MAP3K15: variants seen among roughly 807,000 people sequenced by gnomAD.
The protein encoded by MAP3K15 is MAPK/ERK kinase kinase 15.
MAP3K15 carries 124 observed loss-of-function variants against 99.5 expected under a neutral mutation model. The ratio of observed to expected loss-of-function variants is 1.25; its 90% CI spans 1.08 to 1.45. The LOEUF is 1.45. MAP3K15 is among the 40% of genes most tolerant of loss of function. The probability of loss-of-function intolerance (pLI) is 0.00; values close to 1 mark genes in which losing one functional copy is unlikely to be tolerated. For synonymous variants in MAP3K15, 494 were observed against 439.6 expected, an observed-to-expected ratio of 1.12 and a Z score of -1.55; for missense variants, 1,242 against 1,079.7, an observed-to-expected ratio of 1.15 and a Z score of -2.11.
chrX:19,431,123 G>A (rs184498830), intron 7 of MAP3K15, among the ~76,000 whole-genome samples: 94 of 111,792 alleles, frequency 8.4e-4, no homozygotes, highest in African/African-American at 2.8e-3. Flanking sequence ...TGAATGAACA[G>A]ATCACTGGGA....
intron 15 of MAP3K15, among the ~76,000 whole-genome samples, chrX:19,396,931 A>AC (rs2063571587): frequency 9.5e-6 from 1 of 105,280 alleles, no homozygotes; most frequent in African/African-American, 3.5e-5. Context: ...ACAGGGTCTC[A>AC]CTCTGTCACC....
chrX:19,467,863 C>T (rs2064179495), intron 3 of MAP3K15, among the ~76,000 whole-genome samples: 1 of 110,927 alleles, frequency 9.0e-6, no homozygotes, highest in African/African-American at 3.3e-5. Flanking sequence ...AAACAAAAAA[C>T]AGGCCAAGAA....
Position 19,515,401 on chromosome X carries a change from G to C in MAP3K15, c.-140C>G, listed in dbSNP as rs2064555974. On this transcript the variant is annotated 5_prime_UTR_variant, in exon 1 of 29. Transcript: ENST00000338883. ...ACGCTACGGGAATCGAGGGAACGGA[G>C]CGCACCGGGGACCCCGCGGCGGGCC... The C allele has an allele frequency of 3.3e-6, 1 of 305,760 alleles. No homozygotes were observed. The highest frequency in any genetic ancestry group is 1.7e-4 in the South Asian group (1 of 5,915). 25.2% of individuals were successfully genotyped at this position (305,760 alleles called of 1,213,427 possible).
intron 18 of MAP3K15, among the ~76,000 whole-genome samples, chrX:19,390,603 G>T (rs1046936582): frequency 5.7e-4 from 60 of 105,819 alleles, no homozygotes; most frequent in African/African-American, 1.7e-3. Flanking sequence ...TAGAGATGGG[G>T]TTCTCCCTAT....
At position 19,425,815 on chromosome X, in the gene MAP3K15, C is replaced by A. The variant is rs965355180; in HGVS notation, c.1280-125G>T. Reference sequence around the variant, plus strand: ...CTATAGGAAAAGTAACTGATTGTTCCTTTTGAAATATAATTCTAGTAGTAC... The same window carrying A: ...CTATAGGAAAAGTAACTGATTGTTCATTTTGAAATATAATTCTAGTAGTAC... On this transcript the variant is annotated intron_variant, in intron 8 of 28. Transcript: ENST00000338883. The A allele has an allele frequency of 1.9e-5, 13 of 680,654 alleles. No homozygotes were observed. In the African/African-American group the frequency reaches 2.9e-4, roughly 15 times the overall value. The allele number at this position is 680,654 out of a possible 1,213,427, so 56.1% of individuals were successfully genotyped here.
rs761341022 is a variant in MAP3K15, at chrX:19,431,589, G to A, written c.1015C>T (p.Arg339Cys). ...AGCATGATCTGCAGAGCCTTCTCACGGTCACCTGTGCTGTTTCTCCTGAAA... is the reference window on the plus strand; with the variant it reads ...AGCATGATCTGCAGAGCCTTCTCACAGTCACCTGTGCTGTTTCTCCTGAAA... The part of the protein sequence containing the change: ...ALNRRNSTGD[R>C]EKALQIMLQV... The change falls in exon 7 of 29, where the codon CGT (arginine) becomes TGT (cysteine). Residue 339 changes from arginine to cysteine, a missense_variant. Transcript: ENST00000338883. The A allele has an allele frequency of 5.0e-6, 6 of 1,197,661 alleles. No homozygotes were observed. The highest frequency in any genetic ancestry group is 1.8e-5 in the South Asian group (1 of 56,394).
chrX:19,431,012 G>C (rs1784255328), intron 7 of MAP3K15, among the ~76,000 whole-genome samples: 1 of 112,016 alleles, frequency 8.9e-6, no homozygotes, highest in Non-Finnish European at 1.9e-5. Flanking sequence ...CCAAGGGCAG[G>C]ATTCACGTCC....
In MAP3K15 at chrX:19,506,226, G is replaced by A. The variant is rs769388640; in HGVS notation, c.361+8675C>T. ...TGGAGTTACAGGCATGAACCACGGC[G>A]TCCGGCCTGATTTTTGTATTATTAG... On this transcript the variant is annotated intron_variant, in intron 1 of 28. Transcript: ENST00000338883. Among the ~76,000 whole-genome samples, 7 of 110,293 alleles carry A rather than the reference G, an allele frequency of 6.3e-5. No homozygotes were observed. The South Asian group carries it at 2.3e-3, about 37-fold the overall frequency.
intron 14 of MAP3K15, among the ~76,000 whole-genome samples, chrX:19,399,737 T>TC (rs1396699654): frequency 8.3e-5 from 4 of 48,025 alleles, no homozygotes; most frequent in Non-Finnish European, 1.0e-4. Flanking sequence ...AGACTCTGTT[T>TC]CCAAAAAAAA....
At chrX:19,428,573 G>C (rs1158593801) in intron 7 of MAP3K15, among the ~76,000 whole-genome samples, 3 of 112,403 alleles carry the variant, frequency 2.7e-5, no homozygotes, top group Admixed American at 9.5e-5. Flanking sequence ...ATGTAAGCAA[G>C]AATATGGTAT....
intron 4 of MAP3K15, 92 bp downstream of exon 4, chrX:19,464,121 A>G: frequency 2.5e-6 from 2 of 786,891 alleles, no homozygotes; most frequent in Non-Finnish European, 3.6e-6. Context: ...TTCTCCAGCA[A>G]CTCTGTTCAT....
chrX:19,468,851 T>C (rs1304688744), intron 3 of MAP3K15, among the ~76,000 whole-genome samples: 2 of 111,452 alleles, frequency 1.8e-5, no homozygotes, highest in African/African-American at 6.5e-5. Flanking sequence ...TAAGTTGGAT[T>C]CCTAGGTATT....
At chrX:19,417,668 C>G (rs1465352342) in intron 9 of MAP3K15, among the ~76,000 whole-genome samples, 2 of 111,741 alleles carry the variant, frequency 1.8e-5, no homozygotes, top group Admixed American at 9.5e-5. Context: ...CTTAAATGTC[C>G]CGGTCTGACA....
At chrX:19,360,872 C>T in intron 28 of MAP3K15, 39 bp from the exon 29 acceptor site, 1 of 1,044,672 alleles carries the variant, frequency 9.6e-7, no homozygotes, top group Non-Finnish European at 1.3e-6. Flanking sequence ...GTCAGTGCTT[C>T]AAGCCAACAG....
At chrX:19,372,613 A>T (rs771324438) in intron 22 of MAP3K15, 40 bp downstream of exon 22, 75 of 1,164,984 alleles carry the variant, frequency 6.4e-5, no homozygotes, top group Non-Finnish European at 8.2e-5. Context: ...ACCTGGGCAG[A>T]GGGAGCGGGA....
chrX:19,493,172 G>C (rs2064379102), intron 1 of MAP3K15, among the ~76,000 whole-genome samples: 1 of 109,664 alleles, frequency 9.1e-6, no homozygotes, highest in Non-Finnish European at 1.9e-5. Flanking sequence ...CATTTTCACA[G>C]GCAACCTTGA....
At chrX:19,373,743 G>A (rs777104175) in intron 20 of MAP3K15, 48 bp from the exon 21 acceptor site, 33 of 1,148,721 alleles carry the variant, frequency 2.9e-5, no homozygotes, top group East Asian at 2.1e-4. Context: ...AGAGAGGGAC[G>A]GGGTGGAGCT....
At chrX:19,456,396 G>A (rs1039177258) in intron 6 of MAP3K15, among the ~76,000 whole-genome samples, 4 of 112,183 alleles carry the variant, frequency 3.6e-5, no homozygotes, top group Non-Finnish European at 7.5e-5. Flanking sequence ...GTGTGATTCC[G>A]TTTATGTGAA....
intron 7 of MAP3K15, among the ~76,000 whole-genome samples, chrX:19,429,998 G>A (rs771358524): frequency 1.8e-5 from 2 of 111,476 alleles, no homozygotes; most frequent in South Asian, 7.6e-4. Flanking sequence ...CTGAATTACT[G>A]CTATATTCTC....
Sources: gnomAD v4.1 joint callset for allele counts (sites outside exome capture counted in the v4.1 genomes callset) on GRCh38, gnomAD v4.1.1 for gene constraint, MANE v1.5 for transcripts, NCBI Gene and HGNC (gene_info 2026-07-23, HGNC 2026-07-21) for gene names.